Variants in ADD3 observed in about 807,000 individuals in gnomAD.
ADD3 encodes adducin 3, also known as gamma-adducin.
ADD3 carries 25 observed loss-of-function variants against 80.2 expected under a neutral mutation model. The observed-to-expected ratio is 0.31, with a 90% CI of 0.23 to 0.44. ADD3 has a LOEUF of 0.44. ADD3 is among the 20% of genes least tolerant of loss of function. The pLI is 1.00. For missense variants in ADD3, 829 were observed against 847.5 expected (o/e 0.98, Z 0.27); for synonymous variants, 284 against 289.6 (o/e 0.98, Z 0.20).
chr10:110,051,666 T>G (rs1259223916), intron 1 of ADD3, among the ~76,000 whole-genome samples: 1 of 152,210 alleles, frequency 6.6e-6, no homozygotes, highest in Non-Finnish European at 1.5e-5. Flanking sequence ...GAAGTGTGCA[T>G]TCTCCAATTT....
At chr10:110,070,698 G>C (rs1227022129) in intron 1 of ADD3, among the ~76,000 whole-genome samples, 1 of 152,112 alleles carries the variant, frequency 6.6e-6, no homozygotes, top group African/African-American at 2.4e-5. Flanking sequence ...AACACATTAA[G>C]ATGCTTGAAG....
intron 1 of ADD3, among the ~76,000 whole-genome samples, chr10:110,015,406 C>A (rs573239713): frequency 6.9e-6 from 1 of 145,256 alleles, no homozygotes; most frequent in African/African-American, 2.6e-5. Context: ...GATGGAGTCT[C>A]GCTCTGTCGC....
At chr10:110,098,716 G>A (rs1012996818) in intron 1 of ADD3, among the ~76,000 whole-genome samples, 10 of 151,452 alleles carry the variant, frequency 6.6e-5, no homozygotes, top group Admixed American at 2.6e-4. Context: ...TGCAACCTCC[G>A]CCTCCCAGGT....
chr10:110,033,285 A>C (rs1312783699), intron 1 of ADD3, among the ~76,000 whole-genome samples: 1 of 152,228 alleles, frequency 6.6e-6, no homozygotes, highest in East Asian at 1.9e-4. Context: ...GTCTTTTCTG[A>C]TCCAGTGTTA....
chr10:110,002,644 G>C (rs1433034178), upstream of ADD3, among the ~76,000 whole-genome samples: 1 of 152,012 alleles, frequency 6.6e-6, no homozygotes, highest in Non-Finnish European at 1.5e-5. Flanking sequence ...CCTCCCACTA[G>C]GAGTTTCTTA....
intron 1 of ADD3, among the ~76,000 whole-genome samples, chr10:110,012,853 C>T (rs1216944854): frequency 6.6e-6 from 1 of 152,108 alleles, no homozygotes; most frequent in Non-Finnish European, 1.5e-5. Flanking sequence ...CCCACCTCAG[C>T]CTCCCAGGTA....
At chr10:110,078,049 CA>C (rs1845577847) in intron 1 of ADD3, among the ~76,000 whole-genome samples, 2 of 152,192 alleles carry the variant, frequency 1.3e-5, no homozygotes, top group South Asian at 4.1e-4. Flanking sequence ...GTAAGGCTTG[CA>C]GGGGTGACAT....
At chr10:110,014,689 G>A (rs1439218694) in intron 1 of ADD3, among the ~76,000 whole-genome samples, 7 of 151,910 alleles carry the variant, frequency 4.6e-5, no homozygotes, top group Middle Eastern at 3.2e-3. Flanking sequence ...CACCACGCCC[G>A]GCTAATTTTG....
chr10:110,036,158 CAA>C (rs1267459006), intron 1 of ADD3, among the ~76,000 whole-genome samples: 7 of 151,854 alleles, frequency 4.6e-5, no homozygotes, highest in Non-Finnish European at 1.0e-4. Context: ...CTCAAAAAAA[CAA>C]ACAAAAAACC....
At chr10:110,050,632 C>T (rs1008987125) in intron 1 of ADD3, among the ~76,000 whole-genome samples, 3 of 151,826 alleles carry the variant, frequency 2.0e-5, no homozygotes, top group African/African-American at 7.3e-5. Flanking sequence ...CCTGCCTCAG[C>T]CTTCCAAGTA....
intron 1 of ADD3, among the ~76,000 whole-genome samples, chr10:110,060,417 TA>T (rs1392795260): frequency 1.3e-5 from 2 of 152,170 alleles, no homozygotes; most frequent in African/African-American, 4.8e-5. Flanking sequence ...CCCCTCTGAA[TA>T]AAATTTTACA....
At chr10:110,006,799 G>A (rs139933703), upstream of ADD3, among the ~76,000 whole-genome samples, 3 of 151,942 alleles carry the variant, frequency 2.0e-5, no homozygotes, top group Non-Finnish European at 2.9e-5. Context: ...TGAGGGGGAC[G>A]AGTCTGCAGA....
intron 1 of ADD3, among the ~76,000 whole-genome samples, chr10:110,018,031 A>G (rs1313105794): frequency 6.6e-6 from 1 of 152,214 alleles, no homozygotes; most frequent in Non-Finnish European, 1.5e-5. Context: ...GTAAGGAATT[A>G]TACTTTAATA....
intron 1 of ADD3, among the ~76,000 whole-genome samples, chr10:110,049,833 G>C (rs914063376): frequency 6.6e-6 from 1 of 150,426 alleles, no homozygotes; most frequent in African/African-American, 2.5e-5. Context: ...CTTGCAGTGA[G>C]CCGAGATCGC....
chr10:110,051,022 G>A (rs1271395926), intron 1 of ADD3, among the ~76,000 whole-genome samples: 2 of 152,192 alleles, frequency 1.3e-5, no homozygotes, highest in Non-Finnish European at 2.9e-5. Flanking sequence ...ACAGTCAATT[G>A]ATTTTTTGAC....
In ADD3 at chr10:110,133,507, A is replaced by C. The variant is rs1410245111; in HGVS notation, c.2010A>C (p.Glu670Asp). 1.2e-6 allele frequency: 2 copies of C among 1,613,816 alleles called. No individual in the cohort carries two copies. The highest frequency in any genetic ancestry group is 2.7e-5 in the African/African-American group (2 of 74,944). Residue 670 changes from glutamate to aspartate, a missense_variant, in exon 15 of 15, where the codon GAA (glutamate) becomes GAC (aspartate). Transcript: ENST00000356080. ...ITIKSPEKIE[E>D]VLSPEGSPSK... ...TTAAGTCTCCAGAGAAAATCGAAGA[A>C]GTCCTGTCACCTGAAGGCTCCCCTT...
At chr10:110,092,037 T>TA (rs982826821) in intron 1 of ADD3, among the ~76,000 whole-genome samples, 18 of 152,206 alleles carry the variant, frequency 1.2e-4, no homozygotes, top group Middle Eastern at 3.2e-3. Context: ...CACAGGGAGA[T>TA]ACCTTCTCAT....
chr10:110,120,611 A>C (rs1453697841), intron 8 of ADD3, among the ~76,000 whole-genome samples: 1 of 152,128 alleles, frequency 6.6e-6, no homozygotes, highest in African/African-American at 2.4e-5. Context: ...GCTGGGTCAA[A>C]TGGTATTTCT....
chr10:110,063,587 A>G (rs2133538561), intron 1 of ADD3, among the ~76,000 whole-genome samples: 1 of 151,538 alleles, frequency 6.6e-6, no homozygotes, highest in South Asian at 2.1e-4. Context: ...ATCAAGTTAT[A>G]AATTCTTGCT....
Sources: gnomAD v4.1 joint callset for allele counts (sites outside exome capture counted in the v4.1 genomes callset) on GRCh38, gnomAD v4.1.1 for gene constraint, MANE v1.5 for transcripts, NCBI Gene and HGNC (gene_info 2026-07-23, HGNC 2026-07-21) for gene names.